Variants in FAM20C observed in about 807,000 individuals in gnomAD.
The protein encoded by FAM20C is FAM20C golgi associated secretory pathway kinase, also known as extracellular serine/threonine protein kinase FAM20C.
A neutral mutation model predicts 51.5 loss-of-function variants in FAM20C; 40 were observed. That is an observed-to-expected ratio of 0.78 (90% CI 0.60 to 1.01). The LOEUF (loss-of-function observed/expected upper bound fraction) is 1.01, where lower values mean the gene tolerates loss of function less well. Among genes scored for constraint, FAM20C ranks in the 50% least tolerant of loss-of-function variants. The pLI is 0.00. For missense variants in FAM20C, 861 were observed against 844.7 expected, an observed-to-expected ratio of 1.02 and a Z score of -0.24; for synonymous variants, 406 against 380.6, an observed-to-expected ratio of 1.07 and a Z score of -0.78.
At chr7:219,435 G>C (rs893022774) in intron 3 of FAM20C, among the ~76,000 whole-genome samples, 114 of 144,782 alleles carry the variant, frequency 7.9e-4, no homozygotes, top group East Asian at 7.1e-3. Context: ...GACAGCAATG[G>C]CCAGCCCGGG....
chr7:258,781 TC>T, intron 9 of FAM20C, 76 bp downstream of exon 9: 1 of 1,354,778 alleles, frequency 7.4e-7, no homozygotes, highest in Non-Finnish European at 9.9e-7. Flanking sequence ...GCCACAGCCT[TC>T]CCCACCCCAC....
intron 3 of FAM20C, among the ~76,000 whole-genome samples, chr7:217,646 A>G (rs28753906): frequency 0.87 from 133,050 of 152,132 alleles, 58,471 homozygotes; most frequent in South Asian, 0.92. Flanking sequence ...TCTCGCACCC[A>G]TGTCTAGGGC....
intron 7 of FAM20C, 48 bp downstream of exon 7, chr7:256,811 G>A (rs768319683): frequency 1.0e-5 from 15 of 1,491,658 alleles, no homozygotes; most frequent in Non-Finnish European, 1.3e-5. Flanking sequence ...GCCTTGCGTG[G>A]AGCGGATGCA....
intron 8 of FAM20C, among the ~76,000 whole-genome samples, chr7:258,166 TGGA>T: frequency 1.0e-5 from 1 of 97,882 alleles, no homozygotes; most frequent in Admixed American, 9.5e-5. Context: ...ATAGGCAGGG[TGGA>T]CCCACTGCCT....
At chr7:200,208 C>A (rs1414732672) in intron 2 of FAM20C, among the ~76,000 whole-genome samples, 1 of 152,210 alleles carries the variant, frequency 6.6e-6, no homozygotes, top group Non-Finnish European at 1.5e-5. Context: ...TCCAGAAAGG[C>A]CACTGTTCCC....
At chr7:214,663 C>G (rs999248643) in intron 3 of FAM20C, among the ~76,000 whole-genome samples, 1 of 152,128 alleles carries the variant, frequency 6.6e-6, no homozygotes, top group Non-Finnish European at 1.5e-5. Context: ...TCAACAAGGG[C>G]GTTGGAAGAA....
chr7:207,808 C>T (rs1187890611), intron 2 of FAM20C, among the ~76,000 whole-genome samples: 1 of 152,062 alleles, frequency 6.6e-6, no homozygotes, highest in Non-Finnish European at 1.5e-5. Context: ...CAGCTTAGCT[C>T]CCGGGGCTGC....
chr7:208,944 G>A lies in FAM20C; in HGVS notation c.831G>A (p.Gln277=). Residue 277 remains glutamine, a synonymous_variant, in exon 3 of 10, where the codon CAG becomes CAA. Transcript: ENST00000313766. Reference sequence around the variant, plus strand: ...AGCTGAAGCTCATCATGACCTTCCAGAATTACGGGCAAGCGCTGTTCAAAC... The same window carrying A: ...AGCTGAAGCTCATCATGACCTTCCAAAATTACGGGCAAGCGCTGTTCAAAC... ...GTQLKLIMTF[Q]NYGQALFKPM... The A allele has an allele frequency of 6.3e-7, 1 of 1,585,900 alleles. No homozygotes were observed. The highest frequency in any genetic ancestry group is 8.6e-7 in the Non-Finnish European group (1 of 1,166,088).
intron 3 of FAM20C, among the ~76,000 whole-genome samples, chr7:212,006 T>C (rs1220369363): frequency 6.6e-6 from 1 of 152,120 alleles, no homozygotes; most frequent in Non-Finnish European, 1.5e-5. Context: ...GGATCTGTCA[T>C]TGATGGAGGT....
At chr7:200,281 C>T (rs113241771) in intron 2 of FAM20C, among the ~76,000 whole-genome samples, 12 of 151,622 alleles carry the variant, frequency 7.9e-5, no homozygotes, top group South Asian at 2.1e-4. Context: ...CTCGCTCGGC[C>T]GGCCTAGAGA....
At position 260,267 on chromosome 7, in the gene FAM20C, T is replaced by C. The variant is rs1299954719; in HGVS notation, c.*287T>C. 5.5e-6 allele frequency: 2 copies of C among 364,850 alleles called. No individual in the cohort carries two copies. The highest frequency in any genetic ancestry group is 4.3e-5 in the East Asian group (1 of 23,210). The allele number at this position is 364,850 out of a possible 1,614,324, so 22.6% of individuals were successfully genotyped here. A position where few individuals can be genotyped will look rare whatever the true frequency, so the allele number is the denominator to read the frequency against. The stretch of plus-strand genomic sequence containing the variant: ...TAGGGAAAGGAGCCTTTATTTACTA[T>C]TTTGTATTTATATTTGATGAATAAG... On this transcript the variant is annotated 3_prime_UTR_variant, in exon 10 of 10. Transcript: ENST00000313766.
intron 2 of FAM20C, chr7:197,569 G>A (rs1785938633): frequency 6.1e-6 from 1 of 164,276 alleles, no homozygotes; most frequent in Non-Finnish European, 1.5e-5. Context: ...TGCAAGGATA[G>A]GATGAGATGT....
intron 2 of FAM20C, among the ~76,000 whole-genome samples, chr7:199,268 C>T (rs563163341): frequency 9.3e-4 from 141 of 152,360 alleles, no homozygotes; most frequent in Non-Finnish European, 1.5e-3. Context: ...TCTGGCTAGG[C>T]CCTTGGCGTG....
In FAM20C at chr7:231,838, T is replaced by C. The variant is rs557009051; in HGVS notation, c.864-14577T>C. Among the ~76,000 whole-genome samples the C allele has an allele frequency of 1.3e-3, 200 of 152,162 alleles. 2 individuals carry two copies. Among genetic ancestry groups the C allele is most frequent in the African/African-American group, 4.7e-3 (193 of 41,492 alleles). ...TTTTCCATAATGCATGAATGGTTGG[T>C]GTTTGACCCACCCCTCTTTGGGCCT... On this transcript the variant is annotated intron_variant, in intron 3 of 9. Transcript: ENST00000313766.
At chr7:214,662 G>T (rs1229489037) in intron 3 of FAM20C, among the ~76,000 whole-genome samples, 2 of 152,154 alleles carry the variant, frequency 1.3e-5, no homozygotes, top group Non-Finnish European at 2.9e-5. Flanking sequence ...GTCAACAAGG[G>T]CGTTGGAAGA....
intron 5 of FAM20C, among the ~76,000 whole-genome samples, chr7:251,249 T>A (rs1788392935): frequency 7.9e-6 from 1 of 126,782 alleles, no homozygotes; most frequent in Non-Finnish European, 1.5e-5. Context: ...CTGCACTGAG[T>A]GGCCGGGCAC....
chr7:258,308 GA>G lies in FAM20C; in HGVS notation c.1446-337del, dbSNP rs1350100152. 1.9e-3 allele frequency among the ~76,000 whole-genome samples: 183 copies of G among 93,910 alleles called. 9 individuals carry two copies. The highest frequency in any genetic ancestry group is 7.0e-3 in the Middle Eastern group (1 of 142). 61.6% of individuals were successfully genotyped at this position (93,910 alleles called of 152,430 possible). A position where few individuals can be genotyped will look rare whatever the true frequency, so the allele number is the denominator to read the frequency against. On this transcript the variant is annotated intron_variant, in intron 8 of 9. Coordinates refer to ENST00000313766, the MANE Select transcript of FAM20C (RefSeq NM_020223.4). ...TGCCTGGGGTGCTGGAGATGGGTGG[GA>G]TGGACCCACTGCCCGGGGTGCTGGA...
intron 2 of FAM20C, chr7:197,238 C>T (rs1242147039): frequency 6.0e-6 from 1 of 166,988 alleles, no homozygotes; most frequent in Non-Finnish European, 1.5e-5. Context: ...CCTGACAGCC[C>T]CAGGAAGAGA....
chr7:229,009 C>G, intron 3 of FAM20C: 1 of 360,558 alleles, frequency 2.8e-6, no homozygotes, highest in East Asian at 7.4e-5. Context: ...TCGGGCCACA[C>G]CCTGCCCCAC....
Sources: allele counts gnomAD v4.1 joint callset (sites outside exome capture counted in the v4.1 genomes callset), GRCh38; gene constraint gnomAD v4.1.1; transcripts MANE v1.5; gene names NCBI Gene and HGNC (gene_info 2026-07-23, HGNC 2026-07-21).